The following GALNTL6 variants were observed in gnomAD, a reference collection of about 807,000 sequenced individuals.
GALNTL6 encodes the protein polypeptide N-acetylgalactosaminyltransferase-like 6.
In GALNTL6, 46 loss-of-function variants were observed where a neutral mutation model predicts 73.7. That is an observed-to-expected ratio of 0.62 (90% CI 0.49 to 0.80). The LOEUF (loss-of-function observed/expected upper bound fraction) is 0.80, where lower values mean the gene tolerates loss of function less well. Ranked by LOEUF, GALNTL6 falls within the 30% of genes least tolerant of loss-of-function variation. The pLI, the probability that GALNTL6 is intolerant of heterozygous loss-of-function variation, is 0.00. For missense variants in GALNTL6, 604 were observed against 755.0 expected, an observed-to-expected ratio of 0.80 and a Z score of 2.34; for synonymous variants, 259 against 263.7, an observed-to-expected ratio of 0.98 and a Z score of 0.17.
intron 8 of GALNTL6, among the ~76,000 whole-genome samples, chr4:172,890,222 C>T (rs887541080): frequency 6.6e-6 from 1 of 151,796 alleles, no homozygotes; most frequent in Non-Finnish European, 1.5e-5. Flanking sequence ...TTTGTTGATC[C>T]TTTGTATTGA....
intron 5 of GALNTL6, among the ~76,000 whole-genome samples, chr4:172,589,996 T>C (rs1414903486): frequency 6.6e-6 from 1 of 152,154 alleles, no homozygotes; most frequent in Non-Finnish European, 1.5e-5. Context: ...GAAAATAGCA[T>C]TAGAGGAAGG....
At chr4:172,784,031 C>G (rs1183175886) in intron 5 of GALNTL6, among the ~76,000 whole-genome samples, 1 of 152,066 alleles carries the variant, frequency 6.6e-6, no homozygotes, top group Admixed American at 6.6e-5. Flanking sequence ...TGTCATAAAT[C>G]TGTCCTTAGT....
intron 5 of GALNTL6, among the ~76,000 whole-genome samples, chr4:172,388,506 C>T (rs1315015287): frequency 6.6e-6 from 1 of 151,940 alleles, no homozygotes; most frequent in East Asian, 1.9e-4. Context: ...TTAGAGTAAC[C>T]TTGGTAAGGT....
intron 3 of GALNTL6, among the ~76,000 whole-genome samples, chr4:172,237,011 C>T (rs1737266817): frequency 6.6e-6 from 1 of 152,170 alleles, no homozygotes; most frequent in Admixed American, 6.5e-5. Context: ...ACAATGGTCT[C>T]CAGCTCCATC....
chr4:172,461,313 A>G (rs925183159), intron 5 of GALNTL6, among the ~76,000 whole-genome samples: 5 of 152,194 alleles, frequency 3.3e-5, no homozygotes, highest in African/African-American at 9.7e-5. Context: ...GTGTGTACCT[A>G]TGTAACAAAC....
intron 7 of GALNTL6, among the ~76,000 whole-genome samples, chr4:172,830,307 G>T (rs2111051130): frequency 6.6e-6 from 1 of 152,152 alleles, no homozygotes; most frequent in South Asian, 2.1e-4. Flanking sequence ...CAAATCTTTA[G>T]AAAGATTCTA....
At chr4:172,802,841 A>G (rs1443835229) in intron 5 of GALNTL6, among the ~76,000 whole-genome samples, 1 of 151,814 alleles carries the variant, frequency 6.6e-6, no homozygotes, top group African/African-American at 2.4e-5. Context: ...AAAACGAGTA[A>G]TCACCCCTGG....
intron 5 of GALNTL6, among the ~76,000 whole-genome samples, chr4:172,792,143 A>G (rs1005560675): frequency 2.0e-5 from 3 of 152,188 alleles, no homozygotes; most frequent in African/African-American, 7.2e-5. Context: ...GTTACATTTC[A>G]TGAGAATTCA....
intron 5 of GALNTL6, among the ~76,000 whole-genome samples, chr4:172,757,313 G>C (rs772400226): frequency 4.6e-5 from 7 of 152,050 alleles, no homozygotes; most frequent in Non-Finnish European, 7.4e-5. Context: ...TACTTCACTG[G>C]TCCTTCTCTT....
chr4:172,443,811 G>T (rs1367460098), intron 5 of GALNTL6, among the ~76,000 whole-genome samples: 1 of 152,076 alleles, frequency 6.6e-6, no homozygotes, highest in Non-Finnish European at 1.5e-5. Context: ...ATATATATGG[G>T]ATCTTTATAA....
chr4:172,785,190 C>T (rs994583843), intron 5 of GALNTL6, among the ~76,000 whole-genome samples: 2 of 151,702 alleles, frequency 1.3e-5, no homozygotes, highest in Non-Finnish European at 2.9e-5. Context: ...AATTTGTGAA[C>T]GAAGTAATGA....
chr4:171,971,704 T>G (rs545270013), intron 2 of GALNTL6, among the ~76,000 whole-genome samples: 1 of 152,336 alleles, frequency 6.6e-6, no homozygotes, highest in African/African-American at 2.4e-5. Flanking sequence ...TCTGGTCTTT[T>G]TTTAAAGTCC....
chr4:172,045,348 A>T (rs1017135174), intron 2 of GALNTL6, among the ~76,000 whole-genome samples: 4 of 152,106 alleles, frequency 2.6e-5, no homozygotes, highest in African/African-American at 9.6e-5. Flanking sequence ...GTGGAAAAAT[A>T]TAACCTGTTA....
At chr4:172,371,279 A>G (rs569025915) in intron 5 of GALNTL6, among the ~76,000 whole-genome samples, 3 of 152,254 alleles carry the variant, frequency 2.0e-5, no homozygotes, top group African/African-American at 2.4e-5. Flanking sequence ...GGAACTTCCT[A>G]TGGTAATTAA....
intron 2 of GALNTL6, among the ~76,000 whole-genome samples, chr4:172,077,471 GC>G (rs752613138): frequency 2.6e-5 from 4 of 152,100 alleles, no homozygotes; most frequent in Non-Finnish European, 5.9e-5. Flanking sequence ...GAGCCTGGCA[GC>G]TTTTGCCCCT....
At chr4:172,664,771 A>C (rs1347455214) in intron 5 of GALNTL6, among the ~76,000 whole-genome samples, 1 of 152,196 alleles carries the variant, frequency 6.6e-6, no homozygotes, top group Non-Finnish European at 1.5e-5. Flanking sequence ...TTCTTTTGTA[A>C]GCTCGTTATT....
At chr4:172,799,629 G>A (rs1437266797) in intron 5 of GALNTL6, among the ~76,000 whole-genome samples, 1 of 152,250 alleles carries the variant, frequency 6.6e-6, no homozygotes, top group Non-Finnish European at 1.5e-5. Flanking sequence ...TCAAAAGGAC[G>A]TTAAAACTGA....
chr4:171,919,774 G>A (rs1028710064), intron 2 of GALNTL6, among the ~76,000 whole-genome samples: 1 of 152,084 alleles, frequency 6.6e-6, no homozygotes, highest in Admixed American at 6.6e-5. Context: ...CCAACACTAC[G>A]AAGGCCTTTC....
chr4:171,992,527 T>C (rs1336958892), intron 2 of GALNTL6, among the ~76,000 whole-genome samples: 4 of 152,072 alleles, frequency 2.6e-5, no homozygotes, highest in African/African-American at 9.7e-5. Context: ...CAGATCTTCT[T>C]ACTCTACCTA....
Sources: allele counts gnomAD v4.1 joint callset (sites outside exome capture counted in the v4.1 genomes callset), GRCh38; gene constraint gnomAD v4.1.1; transcripts MANE v1.5; gene names NCBI Gene and HGNC (gene_info 2026-07-23, HGNC 2026-07-21).